LIFR: variants seen among roughly 807,000 people sequenced by gnomAD.
LIFR encodes the protein leukemia inhibitory factor receptor.
In LIFR, 84 loss-of-function variants were observed where a neutral mutation model predicts 122.2. The observed-to-expected ratio is 0.69, with a 90% confidence interval of 0.58 to 0.82. The LOEUF (loss-of-function observed/expected upper bound fraction) is 0.82, where lower values mean the gene tolerates loss of function less well. Ranked by LOEUF, LIFR falls within the 40% of genes least tolerant of loss-of-function variation. The pLI, the probability that LIFR is intolerant of heterozygous loss-of-function variation, is 0.00. For synonymous variants in LIFR, 422 were observed against 434.7 expected (o/e 0.97, Z 0.36); for missense variants, 1,294 against 1,311.6 (o/e 0.99, Z 0.21).
At chr5:38,581,320 T>C (rs1749575899) in intron 1 of LIFR, among the ~76,000 whole-genome samples, 1 of 152,206 alleles carries the variant, frequency 6.6e-6, no homozygotes, top group Non-Finnish European at 1.5e-5. Flanking sequence ...TAAGACCCTT[T>C]GAAAATCTGT....
chr5:38,536,009 C>T (rs550168018), intron 1 of LIFR, among the ~76,000 whole-genome samples: 2 of 152,306 alleles, frequency 1.3e-5, no homozygotes, highest in Non-Finnish European at 1.5e-5. Flanking sequence ...TCCACAGTTT[C>T]AATATTTGCT....
At chr5:38,506,179 T>A in intron 8 of LIFR, 105 bp from the exon 9 acceptor site, 1 of 744,112 alleles carries the variant, frequency 1.3e-6, no homozygotes, top group Non-Finnish European at 2.2e-6. Flanking sequence ...TTTAAATTTC[T>A]AATTAGAAGC....
At chr5:38,572,391 G>C (rs1281908511) in intron 1 of LIFR, among the ~76,000 whole-genome samples, 2 of 152,148 alleles carry the variant, frequency 1.3e-5, no homozygotes, top group Non-Finnish European at 2.9e-5. Flanking sequence ...GCACCAAGGG[G>C]AGAGTGTTAA....
At chr5:38,504,182 T>C (rs546436666) in intron 9 of LIFR, 61 bp from the exon 10 acceptor site, 51 of 1,156,162 alleles carry the variant, frequency 4.4e-5, no homozygotes, top group East Asian at 4.2e-4. Context: ...TCTTCTAATA[T>C]GACAAATGAG....
intron 5 of LIFR, among the ~76,000 whole-genome samples, chr5:38,522,380 G>A (rs555552960): frequency 6.6e-6 from 1 of 152,250 alleles, no homozygotes; most frequent in African/African-American, 2.4e-5. Context: ...GCTCTCTCTA[G>A]GATGATCTAT....
chr5:38,499,101 A>G (rs1745040240), intron 12 of LIFR, among the ~76,000 whole-genome samples: 1 of 152,352 alleles, frequency 6.6e-6, no homozygotes, highest in East Asian at 1.9e-4. Context: ...ACAAAACTTT[A>G]TAACTGGCAT....
Position 38,496,548 on chromosome 5 carries a change from T to C in LIFR, c.1719A>G (p.Val573=), listed in dbSNP as rs183990367. The change falls in exon 13 of 20, where the codon GTA becomes GTG. Residue 573 remains valine (V), a synonymous_variant. Transcript: ENST00000453190. ...EANGKILSYN[V]SCSSDEETQS... ...GTGTTTCCTCATCTGATGAACACGA[T>C]ACATTGTAGGAAAGTATTTTTCCAT... 8 of 1,613,994 alleles carry C rather than the reference T, an allele frequency of 5.0e-6. No individual in the cohort carries two copies. The highest frequency in any genetic ancestry group is 3.3e-5 in the Admixed American group (2 of 60,030).
chr5:38,507,109 G>A (rs1426642561), intron 7 of LIFR, among the ~76,000 whole-genome samples: 1 of 152,056 alleles, frequency 6.6e-6, no homozygotes, highest in Non-Finnish European at 1.5e-5. Context: ...AAGTACTGTT[G>A]TTTAGAAAAC....
intron 1 of LIFR, among the ~76,000 whole-genome samples, chr5:38,578,068 G>T (rs1027968759): frequency 2.0e-5 from 3 of 152,158 alleles, no homozygotes; most frequent in South Asian, 4.2e-4. Flanking sequence ...GTGGTTAACA[G>T]ACAAGCTGCA....
chr5:38,538,582 T>A (rs1462556366), intron 1 of LIFR, among the ~76,000 whole-genome samples: 1 of 152,136 alleles, frequency 6.6e-6, no homozygotes, highest in Non-Finnish European at 1.5e-5. Context: ...GTCTTCTGAG[T>A]AACCCTGACT....
chr5:38,481,364 C>CAAAGAGCT lies in LIFR; in HGVS notation c.*223_*230dup. The CAAAGAGCT allele has an allele frequency of 1.7e-6, 1 of 577,142 alleles. No homozygotes were observed. The highest frequency in any genetic ancestry group is 3.0e-5 in the Admixed American group (1 of 33,192). 35.8% of individuals were successfully genotyped at this position (577,142 alleles called of 1,614,324 possible). Reference sequence around the variant, plus strand: ...ACATGAGAATTCTTTGGCTTGATCACAAAGAGCTCCCAATCTTGAGTTTTG... The same window carrying CAAAGAGCT: ...ACATGAGAATTCTTTGGCTTGATCACAAAGAGCTAAAGAGCTCCCAATCTTGAGTTTTG... On this transcript the variant is annotated 3_prime_UTR_variant, in exon 20 of 20. Transcript: ENST00000453190.
In LIFR at chr5:38,481,364, C is replaced by A. The variant is rs1743974318; in HGVS notation, c.*231G>T. On this transcript the variant is annotated 3_prime_UTR_variant, in exon 20 of 20. Transcript: ENST00000453190. ...ACATGAGAATTCTTTGGCTTGATCA[C>A]AAAGAGCTCCCAATCTTGAGTTTTG... 1 of 577,142 alleles carries A rather than the reference C, an allele frequency of 1.7e-6. No homozygotes were observed. Among genetic ancestry groups the A allele is most frequent in the Non-Finnish European group, 3.1e-6 (1 of 323,948 alleles). 35.8% of individuals were successfully genotyped at this position (577,142 alleles called of 1,614,324 possible).
chr5:38,502,159 A>C (rs561183185), intron 11 of LIFR, among the ~76,000 whole-genome samples: 2 of 152,216 alleles, frequency 1.3e-5, no homozygotes, highest in African/African-American at 4.8e-5. Flanking sequence ...ACTATGACAA[A>C]ACTTCAAAAC....
intron 5 of LIFR, among the ~76,000 whole-genome samples, chr5:38,515,125 G>A (rs553240729): frequency 6.6e-6 from 1 of 152,302 alleles, no homozygotes; most frequent in South Asian, 2.1e-4. Context: ...GAAAGACACT[G>A]AAGTCTATCT....
Position 38,481,038 on chromosome 5 carries a change from A to G in LIFR, c.*557T>C, listed in dbSNP as rs1743956814. 1 of 229,286 alleles carries G rather than the reference A, an allele frequency of 4.4e-6. No individual in the cohort carries two copies. The highest frequency in any genetic ancestry group is 5.2e-5 in the Admixed American group (1 of 19,086). 14.2% of individuals were successfully genotyped at this position (229,286 alleles called of 1,614,324 possible). A position where few individuals can be genotyped will look rare whatever the true frequency, so the allele number is the denominator to read the frequency against. On this transcript the variant is annotated 3_prime_UTR_variant, in exon 20 of 20. Transcript: ENST00000453190. ...CATACTTTATCAAACAAAACACTAA[A>G]TCGCTGTCACTACATTAAAAATTAT...
intron 1 of LIFR, among the ~76,000 whole-genome samples, chr5:38,574,714 C>T (rs567786446): frequency 6.6e-6 from 1 of 152,280 alleles, no homozygotes; most frequent in South Asian, 2.1e-4. Flanking sequence ...CTGCAAGTTA[C>T]CTAACTATCT....
At chr5:38,575,154 A>G (rs959295339) in intron 1 of LIFR, among the ~76,000 whole-genome samples, 15 of 152,218 alleles carry the variant, frequency 9.9e-5, no homozygotes, top group Non-Finnish European at 2.9e-5. Context: ...AATCTCACAA[A>G]TGTGATGTTG....
At position 38,493,785 on chromosome 5, in the gene LIFR, T is replaced by C. The variant is rs372374955; in HGVS notation, c.1886A>G (p.Asp629Gly). 5.0e-6 allele frequency: 8 copies of C among 1,613,342 alleles called. No homozygotes were observed. In the African/African-American group the frequency reaches 6.7e-5, roughly 13 times the overall value. ...AACAACTTGTTCTATTTTGAGATCA[T>C]CTTCAATAAGAAAGGAGGATATTTT... ...SKIASMEIPNDDLKIEQVVGM... is the reference protein window; with the variant it reads ...SKIASMEIPNGDLKIEQVVGM... The change falls in exon 14 of 20, where the codon GAT becomes GGT. Residue 629 changes from aspartate (D) to glycine (G), a missense_variant and splice_region_variant. Transcript: ENST00000453190.
chr5:38,592,391 C>T (rs1363357515), intron 1 of LIFR, among the ~76,000 whole-genome samples: 1 of 152,182 alleles, frequency 6.6e-6, no homozygotes, highest in African/African-American at 2.4e-5. Flanking sequence ...GGCACAGTGG[C>T]TCACGCCTGT....
Sources: allele counts gnomAD v4.1 joint callset (sites outside exome capture counted in the v4.1 genomes callset), GRCh38; gene constraint gnomAD v4.1.1; transcripts MANE v1.5; gene names NCBI Gene and HGNC (gene_info 2026-07-23, HGNC 2026-07-21).